IGF2: variants seen among roughly 807,000 people sequenced by gnomAD.
IGF2 encodes the protein insulin-like growth factor 2.
A neutral mutation model predicts 12.0 loss-of-function variants in IGF2; 2 were observed. That is an observed-to-expected ratio of 0.17 (90% confidence interval 0.07 to 0.52). The LOEUF (loss-of-function observed/expected upper bound fraction) is 0.52, where lower values mean the gene tolerates loss of function less well. Ranked by LOEUF, IGF2 falls within the 20% of genes least tolerant of loss-of-function variation. IGF2 has a pLI of 0.95. For synonymous variants in IGF2, 105 were observed against 110.1 expected (o/e 0.95, Z 0.29); for missense variants, 211 against 268.0 (o/e 0.79, Z 1.48).
the IGF2 span, chr11:2,148,216 G>A: frequency 0.014 from 2,344 of 166,750 alleles, 65 homozygotes; most frequent in African/African-American, 0.053. The surrounding 1 kb of genome is among the most constrained non-coding windows in gnomAD (Gnocchi z 4.3). Context: ...CACCTTGGAA[G>A]GAGATAAGGA....
upstream of IGF2, among the ~76,000 whole-genome samples, chr11:2,144,853 C>T (rs1346334467): frequency 6.6e-6 from 1 of 152,080 alleles, no homozygotes; most frequent in Non-Finnish European, 1.5e-5. Flanking sequence ...GTGGGCATTG[C>T]TTGTCCCCAT....
At chr11:2,147,761 T>G in the IGF2 span, 1 of 1,248,852 alleles carries the variant, frequency 8.0e-7, no homozygotes, top group African/African-American at 1.5e-5. The surrounding 1 kb of genome is among the most constrained non-coding windows in gnomAD (Gnocchi z 7.2). Flanking sequence ...GGCTGGGGGC[T>G]GGAATCCACC....
Position 2,131,564 on chromosome 11 carries a change from TGTTTG to T in IGF2, c.*1418_*1422del, listed in dbSNP as rs1858554942. On this transcript the variant is annotated 3_prime_UTR_variant, in exon 4 of 4. Transcript: ENST00000416167. ...GCTGTGTGTGCATGTGTGTGCTGTG[TGTTTG>T]TGTGTGTGCTGTGTTCATGTGTGCT... 2 of 168,420 alleles carry T rather than the reference TGTTTG, an allele frequency of 1.2e-5. No individual in the cohort carries two copies. The highest frequency in any genetic ancestry group is 2.4e-5 in the Non-Finnish European group (2 of 83,028). The allele number at this position is 168,420 out of a possible 1,614,324, so 10.4% of individuals were successfully genotyped here.
chr11:2,129,573 G>A lies in IGF2; in HGVS notation c.*3414C>T, dbSNP rs528838501. On this transcript the variant is annotated 3_prime_UTR_variant, in exon 4 of 4. Transcript: ENST00000416167. The surrounding 1 kb of genome is among the most constrained non-coding windows in gnomAD (Gnocchi z 8.1). ...CAGGTAATTTGGGGTGCCTCGAAGC[G>A]TTTTGGATCTCAGGCCAATGTGGGT... is the stretch of plus-strand genomic sequence containing the variant. 198 of 229,000 alleles carry A rather than the reference G, an allele frequency of 8.6e-4. 1 individual carries two copies. Among genetic ancestry groups the A allele is most frequent in the Non-Finnish European group, 1.4e-3 (158 of 115,180 alleles). 14.2% of individuals were successfully genotyped at this position (229,000 alleles called of 1,614,324 possible).
upstream of IGF2, among the ~76,000 whole-genome samples, chr11:2,143,442 G>T (rs904466401): frequency 6.6e-6 from 1 of 152,148 alleles, no homozygotes; most frequent in African/African-American, 2.4e-5. Context: ...AATTATGCGG[G>T]AAAGTTCCAC....
At position 2,138,497 on chromosome 11, in the gene IGF2, G is replaced by T; in HGVS notation, c.-275C>A. The T allele has an allele frequency of 1.1e-6, 1 of 925,182 alleles. No homozygotes were observed. The highest frequency in any genetic ancestry group is 1.3e-6 in the Non-Finnish European group (1 of 783,164). 57.3% of individuals were successfully genotyped at this position (925,182 alleles called of 1,614,324 possible). A position where few individuals can be genotyped will look rare whatever the true frequency, so the allele number is the denominator to read the frequency against. On this transcript the variant is annotated 5_prime_UTR_variant, in exon 1 of 4. Transcript: ENST00000416167. ...GGGGGGAAAAGGTATCGGGAAATGA[G>T]GTCAGCTGTTGTATCAAGGATAGAG...
In IGF2 at chr11:2,135,214, C is replaced by T. The variant is rs185513917; in HGVS notation, c.157+153G>A. ...GGTGTGGATGCCCTGGGACACCGCA[C>T]GTGCTCAGAAACGCGGCGGGAAGGT... On this transcript the variant is annotated intron_variant, in intron 2 of 3. Coordinates refer to ENST00000416167, the MANE Select transcript of IGF2 (RefSeq NM_000612.6). Among the ~76,000 whole-genome samples, 73 of 152,356 alleles carry T rather than the reference C, an allele frequency of 4.8e-4. 3 individuals are homozygous for T. The East Asian group carries it at 6.9e-3, about 15-fold the overall frequency.
chr11:2,147,899 C>T, the IGF2 span: 2 of 999,938 alleles, frequency 2.0e-6, no homozygotes, highest in South Asian at 1.0e-4. The surrounding 1 kb of genome is among the most constrained non-coding windows in gnomAD (Gnocchi z 7.2). Context: ...CCTGTCCCAT[C>T]CCCCTCCCCG....
upstream of IGF2, among the ~76,000 whole-genome samples, chr11:2,142,578 C>T (rs548237757): frequency 3.7e-4 from 57 of 152,232 alleles, 1 homozygote; most frequent in Non-Finnish European, 6.5e-4. The surrounding 1 kb of genome is among the most constrained non-coding windows in gnomAD (Gnocchi z 5.7). Context: ...TGGAGGGCAG[C>T]GTCCAGAACA....
Position 2,133,828 on chromosome 11 carries a change from C to T in IGF2, c.158-163G>A, listed in dbSNP as rs531136014. Among the ~76,000 whole-genome samples the T allele has an allele frequency of 2.6e-5, 4 of 152,284 alleles. No individual in the cohort carries two copies. Among genetic ancestry groups the T allele is most frequent in the African/African-American group, 9.6e-5 (4 of 41,550 alleles). On this transcript the variant is annotated intron_variant, in intron 2 of 3. Transcript: ENST00000416167. This position sits in a 1 kb window ranked among gnomAD's most constrained non-coding sequence, Gnocchi z 8.9. ...GGAAGTGAGAGCTGGCAGGCAGAGG[C>T]GTCCCAGGAAGAAGAGAGGTGAGAG...
chr11:2,138,851 GC>G lies in IGF2; in HGVS notation c.-630del. 1 of 964,248 alleles carries G rather than the reference GC, an allele frequency of 1.0e-6. No homozygotes were observed. The highest frequency in any genetic ancestry group is 1.2e-6 in the Non-Finnish European group (1 of 811,672). The allele number at this position is 964,248 out of a possible 1,614,324, so 59.7% of individuals were successfully genotyped here. A position where few individuals can be genotyped will look rare whatever the true frequency, so the allele number is the denominator to read the frequency against. On this transcript the variant is annotated 5_prime_UTR_variant, in exon 1 of 4. Coordinates refer to ENST00000416167, the MANE Select transcript of IGF2 (RefSeq NM_000612.6). ...GGAGGGAAGGGCGCCACGTCGAGGGGCCGGGGGAGGCGGTGACTGGGGGGCG... is the reference window on the plus strand; with the variant it reads ...GGAGGGAAGGGCGCCACGTCGAGGGGCGGGGGAGGCGGTGACTGGGGGGCG...
At position 2,132,745 on chromosome 11, in the gene IGF2, G is replaced by A; in HGVS notation, c.*242C>T. 1 of 441,926 alleles carries A rather than the reference G, an allele frequency of 2.3e-6. No homozygotes were observed. The highest frequency in any genetic ancestry group is 3.3e-5 in the East Asian group (1 of 30,190). 27.4% of individuals were successfully genotyped at this position (441,926 alleles called of 1,614,324 possible). On this transcript the variant is annotated 3_prime_UTR_variant, in exon 4 of 4. Transcript: ENST00000416167. ...TAATTTGGGGGGAGGGTATGTGAAGGGTGTTTAAAGCCAATCGATTTTGTA... is the reference window on the plus strand; with the variant it reads ...TAATTTGGGGGGAGGGTATGTGAAGAGTGTTTAAAGCCAATCGATTTTGTA...
intron 1 of IGF2, among the ~76,000 whole-genome samples, chr11:2,135,933 C>T (rs559084774): frequency 1.3e-5 from 2 of 152,296 alleles, no homozygotes; most frequent in African/African-American, 4.8e-5. Context: ...CGTCACATCG[C>T]CACTTCTCAG....
chr11:2,146,711 T>G, the IGF2 span: 4 of 282,780 alleles, frequency 1.4e-5, no homozygotes, highest in African/African-American at 8.8e-5. Context: ...CAAATCAGCC[T>G]GAAGAGTCAC....
chr11:2,143,837 A>G (rs1383389010), upstream of IGF2, among the ~76,000 whole-genome samples: 1 of 152,264 alleles, frequency 6.6e-6, no homozygotes, highest in Non-Finnish European at 1.5e-5. Context: ...GTTCGGGGAA[A>G]GCAGGGAAGT....
At chr11:2,147,612 T>C in the IGF2 span, 1 of 1,238,758 alleles carries the variant, frequency 8.1e-7, no homozygotes. This position sits in a 1 kb window ranked among gnomAD's most constrained non-coding sequence, Gnocchi z 7.2. Context: ...GCTGCCAGCC[T>C]CAGTTCTGGG....
In IGF2 at chr11:2,133,075, G is replaced by A; in HGVS notation, c.455C>T (p.Ala152Val). 1 of 1,607,054 alleles carries A rather than the reference G, an allele frequency of 6.2e-7. No individual in the cohort carries two copies. The highest frequency in any genetic ancestry group is 8.5e-7 in the Non-Finnish European group (1 of 1,176,372). ...LAKELEAFRE[A>V]KRHRPLIALP... Reference sequence around the variant, plus strand: ...AGCAATCAGGGGACGGTGACGTTTGGCCTCCCTGAACGCCTCGAGCTCCTT... The same window carrying A: ...AGCAATCAGGGGACGGTGACGTTTGACCTCCCTGAACGCCTCGAGCTCCTT... The change falls in exon 4 of 4, where the codon GCC (alanine) becomes GTC (valine). Residue 152 changes from alanine (A) to valine (V), a missense_variant. Around this residue, in one of 3 missense-constraint regions of IGF2, gnomAD observed 141 missense variants for 153.1 expected, o/e 0.92. Transcript: ENST00000416167. The surrounding 1 kb of genome is among the most constrained non-coding windows in gnomAD (Gnocchi z 8.9).
chr11:2,137,020 C>T (rs1859110772), intron 1 of IGF2, among the ~76,000 whole-genome samples: 1 of 151,840 alleles, frequency 6.6e-6, no homozygotes. Context: ...GAGCAGAGAC[C>T]AGGTGGGGGC....
rs1402256054 is a variant in IGF2, at chr11:2,132,917, T to A, written c.*70A>T. ...GAGAGATTTTCGGGATGGAACCTGATGGAAACGTCCGTGGTCAGGAGGAGG... is the reference window on the plus strand; with the variant it reads ...GAGAGATTTTCGGGATGGAACCTGAAGGAAACGTCCGTGGTCAGGAGGAGG... On this transcript the variant is annotated 3_prime_UTR_variant, in exon 4 of 4. Transcript: ENST00000416167. 6 of 1,098,674 alleles carry A rather than the reference T, an allele frequency of 5.5e-6. No individual in the cohort carries two copies. The highest frequency in any genetic ancestry group is 7.8e-6 in the Non-Finnish European group (6 of 771,106). The allele number at this position is 1,098,674 out of a possible 1,614,324, so 68.1% of individuals were successfully genotyped here.
Sources: allele counts gnomAD v4.1 joint callset (sites outside exome capture counted in the v4.1 genomes callset), GRCh38; gene constraint gnomAD v4.1.1; regional missense constraint gnomAD v4.1.1; non-coding constraint Gnocchi (gnomAD v3.1); transcripts MANE v1.5; gene names NCBI Gene and HGNC (gene_info 2026-07-23, HGNC 2026-07-21).